CD2AP: variants seen among roughly 807,000 people sequenced by gnomAD.
CD2AP encodes CD2 associated protein, also known as CD2-associated protein.
CD2AP carries 46 observed loss-of-function variants against 85.1 expected under a neutral mutation model. The observed-to-expected ratio is 0.54, with a 90% CI of 0.43 to 0.69. The LOEUF (loss-of-function observed/expected upper bound fraction) is 0.69. CD2AP is among the 30% of genes least tolerant of loss of function. CD2AP has a pLI of 0.00. For missense variants in CD2AP, 769 were observed against 729.5 expected (o/e 1.05, Z -0.62); for synonymous variants, 255 against 252.9 (o/e 1.01, Z -0.08).
At chr6:47,612,775 C>T (rs1562057633) in intron 17 of CD2AP, among the ~76,000 whole-genome samples, 1 of 152,074 alleles carries the variant, frequency 6.6e-6, no homozygotes, top group African/African-American at 2.4e-5. Context: ...TGCATGTTCC[C>T]ACTTATTTGT....
intron 2 of CD2AP, among the ~76,000 whole-genome samples, chr6:47,505,009 T>A (rs1766094576): frequency 1.5e-5 from 1 of 66,774 alleles, no homozygotes; most frequent in Non-Finnish European, 3.4e-5. Flanking sequence ...CTGTGGCAGT[T>A]TCTTTTTTTT....
chr6:47,543,027 T>C (rs1767260759), intron 3 of CD2AP, among the ~76,000 whole-genome samples: 2 of 151,492 alleles, frequency 1.3e-5, no homozygotes, highest in South Asian at 4.2e-4. Context: ...GGCGCTCACC[T>C]GTAATCCCAG....
chr6:47,533,268 C>G lies in CD2AP; in HGVS notation c.166-334C>G, dbSNP rs148993728. On this transcript the variant is annotated intron_variant, in intron 2 of 17. Coordinates refer to ENST00000359314, the MANE Select transcript of CD2AP (RefSeq NM_012120.3). ...ATTGTAAAATATTTACTATCTGGCA[C>G]TTTATAGAAAGTTTGTTTACCCCTG... Among the ~76,000 whole-genome samples, 32 of 151,752 alleles carry G rather than the reference C, an allele frequency of 2.1e-4. No homozygotes were observed. The East Asian group carries it at 2.9e-3, about 14-fold the overall frequency.
chr6:47,566,323 TAC>T (rs1428713911), intron 5 of CD2AP, among the ~76,000 whole-genome samples: 4 of 108,380 alleles, frequency 3.7e-5, no homozygotes, highest in South Asian at 3.5e-4. Flanking sequence ...TATATATATA[TAC>T]ACATACACAT....
chr6:47,483,035 A>G (rs1765484225), intron 1 of CD2AP, among the ~76,000 whole-genome samples: 1 of 152,194 alleles, frequency 6.6e-6, no homozygotes, highest in Non-Finnish European at 1.5e-5. Flanking sequence ...AAGTTTTCAG[A>G]TTTTATGTTC....
At chr6:47,484,534 T>C (rs9296559) in intron 1 of CD2AP, among the ~76,000 whole-genome samples, 35,257 of 152,188 alleles carry the variant, frequency 0.23, 4,217 homozygotes, top group Non-Finnish European at 0.27. Flanking sequence ...AACAATTCAC[T>C]ATTCTAAATT....
At chr6:47,605,908 T>G (rs889821131) in intron 13 of CD2AP, among the ~76,000 whole-genome samples, 2 of 151,978 alleles carry the variant, frequency 1.3e-5, no homozygotes, top group Non-Finnish European at 2.9e-5. Context: ...GATCTAGGTC[T>G]CTATTGGAAA....
intron 12 of CD2AP, among the ~76,000 whole-genome samples, chr6:47,597,087 G>C (rs918342691): frequency 3.6e-5 from 5 of 140,562 alleles, no homozygotes; most frequent in Middle Eastern, 3.4e-3. Context: ...TAAATTCCCA[G>C]GGTGCTAAGC....
chr6:47,508,845 T>G (rs1459404013), intron 2 of CD2AP, among the ~76,000 whole-genome samples: 1 of 152,166 alleles, frequency 6.6e-6, no homozygotes, highest in African/African-American at 2.4e-5. Flanking sequence ...CCTCACACTT[T>G]CTTCATATCA....
intron 2 of CD2AP, among the ~76,000 whole-genome samples, chr6:47,520,019 G>A (rs746777128): frequency 1.3e-5 from 2 of 152,052 alleles, no homozygotes; most frequent in South Asian, 2.1e-4. Context: ...ACTTCTTAGG[G>A]CAAAACAAAT....
intron 17 of CD2AP, among the ~76,000 whole-genome samples, chr6:47,619,741 G>T (rs1003413963): frequency 1.3e-5 from 2 of 152,060 alleles, no homozygotes; most frequent in Non-Finnish European, 2.9e-5. Flanking sequence ...ACTGTTTTTT[G>T]ATTTTTTGAT....
intron 17 of CD2AP, among the ~76,000 whole-genome samples, chr6:47,619,344 T>C (rs893579122): frequency 6.6e-6 from 1 of 152,256 alleles, no homozygotes; most frequent in Non-Finnish European, 1.5e-5. Flanking sequence ...CATTCCTGAG[T>C]TACTTCATTA....
chr6:47,596,594 C>T (rs1022201970), intron 12 of CD2AP, among the ~76,000 whole-genome samples: 5 of 152,144 alleles, frequency 3.3e-5, no homozygotes, highest in Admixed American at 2.0e-4. Flanking sequence ...GGCAGGCTTG[C>T]TTTCTTTTTT....
At chr6:47,591,542 G>T (rs1408279770) in intron 11 of CD2AP, among the ~76,000 whole-genome samples, 1 of 152,040 alleles carries the variant, frequency 6.6e-6, no homozygotes, top group African/African-American at 2.4e-5. Flanking sequence ...TGATCACAAA[G>T]AATAGAATAT....
Position 47,524,914 on chromosome 6 carries a change from G to A in CD2AP, c.166-8688G>A, listed in dbSNP as rs181950171. ...TGATCTATTGACACTTAGACGATAC[G>A]TACTGATTTCATATTAAGGACATTT... On this transcript the variant is annotated intron_variant, in intron 2 of 17. Transcript: ENST00000359314. Among the ~76,000 whole-genome samples the A allele has an allele frequency of 1.2e-3, 182 of 152,092 alleles. 2 individuals are homozygous for A. Among genetic ancestry groups the A allele is most frequent in the African/African-American group, 4.2e-3 (175 of 41,508 alleles).
intron 5 of CD2AP, among the ~76,000 whole-genome samples, chr6:47,557,381 T>C (rs1323818146): frequency 1.3e-5 from 2 of 152,232 alleles, no homozygotes; most frequent in Admixed American, 6.5e-5. Context: ...TTTGGTGTTT[T>C]AGTCATGAAG....
chr6:47,520,982 C>T (rs1323969609), intron 2 of CD2AP, among the ~76,000 whole-genome samples: 1 of 152,032 alleles, frequency 6.6e-6, no homozygotes, highest in Non-Finnish European at 1.5e-5. Flanking sequence ...CATGTTGTTC[C>T]TCAGATTCTG....
At chr6:47,609,374 T>C in intron 16 of CD2AP, 70 bp downstream of exon 16, 1 of 1,279,092 alleles carries the variant, frequency 7.8e-7, no homozygotes, top group Non-Finnish European at 1.1e-6. Flanking sequence ...TCAAACCATA[T>C]TAAGTAAAAA....
rs561829742 is a variant in CD2AP, at chr6:47,514,067, A to G, written c.165+10627A>G. Among the ~76,000 whole-genome samples, 3 of 152,202 alleles carry G rather than the reference A, an allele frequency of 2.0e-5. No individual in the cohort carries two copies. The East Asian group carries it at 5.8e-4, about 29-fold the overall frequency. On this transcript the variant is annotated intron_variant, in intron 2 of 17. Transcript: ENST00000359314. ...CTTGTTCATATTCTAGTTAATTTCT[A>G]GTAGTTCTTAATGTATTTTAACCAA... is the stretch of plus-strand genomic sequence containing the variant.
Sources: gnomAD v4.1 joint callset for allele counts (sites outside exome capture counted in the v4.1 genomes callset) on GRCh38, gnomAD v4.1.1 for gene constraint, MANE v1.5 for transcripts, NCBI Gene and HGNC (gene_info 2026-07-23, HGNC 2026-07-21) for gene names.